The following ARHGEF12 variants were observed in gnomAD, a reference collection of about 807,000 sequenced individuals.
ARHGEF12 encodes KMT2A/ARHGEF12 fusion protein.
A neutral mutation model predicts 211.2 loss-of-function variants in ARHGEF12; 66 were observed. That is an observed-to-expected ratio of 0.31 (90% CI 0.26 to 0.38). ARHGEF12 has a LOEUF of 0.38. Ranked by LOEUF, ARHGEF12 falls within the 10% of genes least tolerant of loss-of-function variation. The probability of loss-of-function intolerance (pLI) is 1.00; values close to 1 mark genes in which losing one functional copy is unlikely to be tolerated. For synonymous variants in ARHGEF12, 592 were observed against 638.4 expected, an observed-to-expected ratio of 0.93 and a Z score of 1.09; for missense variants, 1,429 against 1,869.5, an observed-to-expected ratio of 0.76 and a Z score of 4.34.
At chr11:120,343,429 C>T (rs1942595386) in intron 1 of ARHGEF12, among the ~76,000 whole-genome samples, 1 of 152,224 alleles carries the variant, frequency 6.6e-6, no homozygotes, top group South Asian at 2.1e-4. Flanking sequence ...CAGCTTCTAA[C>T]TCCAATAGAA....
chr11:120,476,228 G>T (rs1298277448), intron 33 of ARHGEF12: 1 of 156,352 alleles, frequency 6.4e-6, no homozygotes, highest in Non-Finnish European at 1.4e-5. Context: ...GCACCACCAT[G>T]ACCTGGCTAA....
At chr11:120,392,810 A>AT (rs1159445878) in intron 1 of ARHGEF12, among the ~76,000 whole-genome samples, 9 of 152,348 alleles carry the variant, frequency 5.9e-5, no homozygotes, top group African/African-American at 2.2e-4. Context: ...TCTCTCAAGA[A>AT]TAAGGAAATA....
At chr11:120,413,371 A>G (rs368802211) in intron 4 of ARHGEF12, among the ~76,000 whole-genome samples, 2 of 152,130 alleles carry the variant, frequency 1.3e-5, no homozygotes, top group East Asian at 3.8e-4. Context: ...ACTTATATTT[A>G]TGTTTATCTT....
chr11:120,485,176 C>CA lies in ARHGEF12; in HGVS notation c.*100dup, dbSNP rs1947367193. 5 of 1,507,236 alleles carry CA rather than the reference C, an allele frequency of 3.3e-6. No homozygotes were observed. In the East Asian group the frequency reaches 6.8e-5, roughly 21 times the overall value. 93.4% of individuals were successfully genotyped at this position (1,507,236 alleles called of 1,614,324 possible). A position where few individuals can be genotyped will look rare whatever the true frequency, so the allele number is the denominator to read the frequency against. On this transcript the variant is annotated 3_prime_UTR_variant, in exon 41 of 41. Transcript: ENST00000397843. ...CAGTGTGGATGCAGAGAGAGTGTGACAGAGGATCTGCCTGTGAACCACCTG... is the reference window on the plus strand; with the variant it reads ...CAGTGTGGATGCAGAGAGAGTGTGACAAGAGGATCTGCCTGTGAACCACCTG...
At position 120,407,736 on chromosome 11, in the gene ARHGEF12, A is replaced by G; in HGVS notation, c.57-2A>G. On this transcript the variant is annotated splice_acceptor_variant, in intron 2 of 40. Coordinates refer to ENST00000397843, the MANE Select transcript of ARHGEF12 (RefSeq NM_015313.3). LOFTEE classifies it high-confidence loss of function. ...GCATTTGATTACTTTGCTTTAATTT[A>G]GGCATGGAAGTATTTTGAACCGAGA... 6.2e-7 allele frequency: 1 copy of G among 1,611,440 alleles called. No individual in the cohort carries two copies. Among genetic ancestry groups the G allele is most frequent in the Non-Finnish European group, 8.5e-7 (1 of 1,178,338 alleles).
chr11:120,484,421 T>C lies in ARHGEF12; in HGVS notation c.4555-17T>C, dbSNP rs776422246. On this transcript the variant is annotated splice_polypyrimidine_tract_variant and intron_variant, in intron 39 of 40. Coordinates refer to ENST00000397843, the MANE Select transcript of ARHGEF12 (RefSeq NM_015313.3). ...TCATTACGTTTGAATAAAAAACCTATGGGTTTTATTTCACAGAAGGTGGAG... is the reference window on the plus strand; with the variant it reads ...TCATTACGTTTGAATAAAAAACCTACGGGTTTTATTTCACAGAAGGTGGAG... 6.2e-7 allele frequency: 1 copy of C among 1,610,262 alleles called. No individual in the cohort carries two copies. Among genetic ancestry groups the C allele is most frequent in the Non-Finnish European group, 8.5e-7 (1 of 1,177,988 alleles).
chr11:120,460,077 G>A (rs1453973833), intron 26 of ARHGEF12, among the ~76,000 whole-genome samples: 1 of 152,158 alleles, frequency 6.6e-6, no homozygotes, highest in Non-Finnish European at 1.5e-5. Flanking sequence ...CTACCTTGTT[G>A]ACATTTTATT....
At chr11:120,371,824 A>G (rs1193298581) in intron 1 of ARHGEF12, among the ~76,000 whole-genome samples, 1 of 152,222 alleles carries the variant, frequency 6.6e-6, no homozygotes, top group Non-Finnish European at 1.5e-5. Flanking sequence ...TTTTACTCCC[A>G]TTAAATTAAA....
intron 1 of ARHGEF12, among the ~76,000 whole-genome samples, chr11:120,373,412 A>G (rs891609343): frequency 3.9e-5 from 6 of 152,236 alleles, no homozygotes; most frequent in South Asian, 4.1e-4. Flanking sequence ...AATGTTCTAT[A>G]TAATATTATG....
intron 20 of ARHGEF12, chr11:120,448,825 G>A (rs1442186896): frequency 3.0e-6 from 1 of 335,218 alleles, no homozygotes; most frequent in East Asian, 5.3e-5. Context: ...TTGAATGGAT[G>A]AATGAATTGT....
At chr11:120,430,512 A>G (rs755890518) in intron 10 of ARHGEF12, among the ~76,000 whole-genome samples, 44 of 152,354 alleles carry the variant, frequency 2.9e-4, no homozygotes, top group South Asian at 6.2e-4. Flanking sequence ...CTCATAAGAA[A>G]AAAAAAGCTC....
rs1270692183 is a variant in ARHGEF12, at chr11:120,339,226, G to A, written c.32+1951G>A. Among the ~76,000 whole-genome samples, 3 of 151,316 alleles carry A rather than the reference G, an allele frequency of 2.0e-5. No homozygotes were observed. The East Asian group carries it at 5.8e-4, about 29-fold the overall frequency. On this transcript the variant is annotated intron_variant, in intron 1 of 40. Transcript: ENST00000397843. ...TTTCGTAGGATTTTTTTTTACTAGG[G>A]TCTTTTTTTATTAAGAATTATTCTT...
intron 4 of ARHGEF12, among the ~76,000 whole-genome samples, chr11:120,420,335 C>G (rs898690131): frequency 6.6e-6 from 1 of 152,036 alleles, no homozygotes; most frequent in Non-Finnish European, 1.5e-5. Context: ...CTCCTAGCCC[C>G]ATGTCCTAAG....
intron 35 of ARHGEF12, 27 bp from the exon 36 acceptor site, chr11:120,477,420 T>C (rs1292445451): frequency 2.0e-6 from 1 of 501,648 alleles, no homozygotes. Flanking sequence ...AAGGTAAAAG[T>C]TTTTTTTTTT....
At chr11:120,383,007 C>T (rs1428492988) in intron 1 of ARHGEF12, among the ~76,000 whole-genome samples, 16 of 152,116 alleles carry the variant, frequency 1.1e-4, no homozygotes, top group African/African-American at 3.9e-4. Context: ...GGCGTGGTGG[C>T]GGGCGCCTGT....
intron 27 of ARHGEF12, chr11:120,464,658 G>A (rs1368952954): frequency 2.0e-5 from 3 of 152,236 alleles, no homozygotes; most frequent in African/African-American, 7.2e-5. Flanking sequence ...GCTTGTCTGT[G>A]TAATTTATAA....
At chr11:120,446,584 A>G in intron 17 of ARHGEF12, 76 bp downstream of exon 17, 2 of 1,130,046 alleles carry the variant, frequency 1.8e-6, no homozygotes, top group Non-Finnish European at 2.6e-6. Context: ...GTTGCTCATT[A>G]AATACTTAGC....
chr11:120,339,650 C>A (rs1942470346), intron 1 of ARHGEF12, among the ~76,000 whole-genome samples: 1 of 152,226 alleles, frequency 6.6e-6, no homozygotes, highest in African/African-American at 2.4e-5. Flanking sequence ...GTGCTTCTGA[C>A]TACAGAGTCT....
At chr11:120,337,973 A>G (rs867108024) in intron 1 of ARHGEF12, 1 of 923,228 alleles carries the variant, frequency 1.1e-6, no homozygotes, top group Non-Finnish European at 1.3e-6. Flanking sequence ...GTAAGCGCGC[A>G]GCTGAATTTG....
Sources: allele counts gnomAD v4.1 joint callset (sites outside exome capture counted in the v4.1 genomes callset), GRCh38; gene constraint gnomAD v4.1.1; transcripts MANE v1.5; gene names NCBI Gene and HGNC (gene_info 2026-07-23, HGNC 2026-07-21).